The following CCDC12 variants were observed in gnomAD, a reference collection of about 807,000 sequenced individuals.
CCDC12 encodes the protein coiled-coil domain containing 12.
In CCDC12, 28 loss-of-function variants were observed where a neutral mutation model predicts 25.7. That is an observed-to-expected ratio of 1.09 (90% CI 0.81 to 1.50). The LOEUF (loss-of-function observed/expected upper bound fraction) is 1.50. CCDC12 is among the 40% of genes most tolerant of loss of function. The probability of loss-of-function intolerance (pLI) is 0.00; values close to 1 mark genes in which losing one functional copy is unlikely to be tolerated. For synonymous variants in CCDC12, 75 were observed against 87.7 expected (o/e 0.86, Z 0.81); for missense variants, 198 against 210.0 (o/e 0.94, Z 0.35).
intron 1 of CCDC12, among the ~76,000 whole-genome samples, chr3:46,956,829 C>CA (rs965353367): frequency 1.2e-4 from 2 of 17,098 alleles, no homozygotes; most frequent in African/African-American, 1.3e-4. Flanking sequence ...CACACCCACC[C>CA]CCCCAAAATA....
intron 4 of CCDC12, 66 bp from the exon 5 acceptor site, chr3:46,923,429 C>T (rs766073133): frequency 3.5e-5 from 55 of 1,552,200 alleles, no homozygotes; most frequent in Non-Finnish European, 4.6e-5. Context: ...AGGGCAGGCT[C>T]GAGAAGGAGG....
chr3:46,951,798 A>AAAAAAAAAATATAT, intron 1 of CCDC12, among the ~76,000 whole-genome samples: 3 of 8,464 alleles, frequency 3.5e-4, no homozygotes, highest in African/African-American at 4.9e-4. Context: ...AAAAAAAAAA[A>AAAAAAAAAATATAT]ATATATATAT....
At chr3:46,958,310 A>G (rs2034361114) in intron 1 of CCDC12, among the ~76,000 whole-genome samples, 1 of 152,238 alleles carries the variant, frequency 6.6e-6, no homozygotes, top group African/African-American at 2.4e-5. Flanking sequence ...CTGAGGGTCC[A>G]GAGGAAGGTC....
At position 46,976,559 on chromosome 3, in the gene CCDC12, C is replaced by T. The variant is rs1012546191; in HGVS notation, c.96+78G>A. The T allele has an allele frequency of 3.9e-5, 60 of 1,537,432 alleles. 1 individual carries two copies. In the South Asian group the frequency reaches 7.1e-4, roughly 18 times the overall value. ...CTCGGCAGCTGTCTTTCCTTATTAG[C>T]CCTTTGCTCTCCTCAAGCGCGACCC... On this transcript the variant is annotated intron_variant, in intron 1 of 6. Coordinates refer to ENST00000683445, the MANE Select transcript of CCDC12 (RefSeq NM_001277074.2).
At chr3:46,943,263 T>C (rs1394520499) in intron 1 of CCDC12, among the ~76,000 whole-genome samples, 1 of 152,146 alleles carries the variant, frequency 6.6e-6, no homozygotes, top group African/African-American at 2.4e-5. Context: ...TGCTGACACA[T>C]GCAGCCCTCC....
chr3:46,944,995 A>G (rs2033849851), intron 1 of CCDC12, among the ~76,000 whole-genome samples: 1 of 152,202 alleles, frequency 6.6e-6, no homozygotes, highest in Admixed American at 6.5e-5. Context: ...CCATCTGGCC[A>G]GTCCTAAAGG....
chr3:46,935,696 G>A (rs939492962), intron 2 of CCDC12, among the ~76,000 whole-genome samples: 3 of 152,142 alleles, frequency 2.0e-5, no homozygotes, highest in African/African-American at 7.2e-5. Context: ...CAGAGACAGG[G>A]AAGAGTCAGC....
At chr3:46,951,800 T>TATCCC (rs1210610792) in intron 1 of CCDC12, among the ~76,000 whole-genome samples, 1 of 23,304 alleles carries the variant, frequency 4.3e-5, no homozygotes, top group African/African-American at 1.3e-4. Flanking sequence ...AAAAAAAAAA[T>TATCCC]ATATATATAT....
chr3:46,938,194 A>G (rs2033532183), intron 2 of CCDC12, among the ~76,000 whole-genome samples: 1 of 13,544 alleles, frequency 7.4e-5, no homozygotes. Flanking sequence ...GGCTGCGGTG[A>G]GAAAAAACAA....
chr3:46,945,861 T>A (rs1444732645), intron 1 of CCDC12, among the ~76,000 whole-genome samples: 1 of 152,230 alleles, frequency 6.6e-6, no homozygotes, highest in Non-Finnish European at 1.5e-5. Flanking sequence ...ATTGATAATT[T>A]GTGTCATTTT....
At chr3:46,958,436 T>C (rs1015534921) in intron 1 of CCDC12, among the ~76,000 whole-genome samples, 3 of 152,170 alleles carry the variant, frequency 2.0e-5, no homozygotes, top group Non-Finnish European at 2.9e-5. Context: ...CTGGAAAACT[T>C]TGTAATTTTG....
chr3:46,936,536 G>A (rs184159567), intron 2 of CCDC12, among the ~76,000 whole-genome samples: 5 of 152,228 alleles, frequency 3.3e-5, no homozygotes, highest in East Asian at 1.9e-4. Context: ...AAGATTCTGC[G>A]GCTCACTGAG....
chr3:46,960,130 A>T (rs2034418986), intron 1 of CCDC12, among the ~76,000 whole-genome samples: 1 of 152,024 alleles, frequency 6.6e-6, no homozygotes, highest in Non-Finnish European at 1.5e-5. Context: ...ACAGTATTAT[A>T]CCTGGGGGTA....
chr3:46,937,413 G>A (rs964641829), intron 2 of CCDC12, among the ~76,000 whole-genome samples: 2 of 152,196 alleles, frequency 1.3e-5, no homozygotes, highest in Non-Finnish European at 2.9e-5. Context: ...CCAGAATGGC[G>A]GGTGCTGGTG....
chr3:46,973,198 A>AT (rs71098437), intron 1 of CCDC12, among the ~76,000 whole-genome samples: 143,596 of 151,874 alleles, frequency 0.95, 68,444 homozygotes, highest in East Asian at 1. Flanking sequence ...CTACTAAAAT[A>AT]AAAAATTAGC....
intron 3 of CCDC12, among the ~76,000 whole-genome samples, chr3:46,924,584 C>G (rs1467807388): frequency 6.6e-6 from 1 of 152,244 alleles, no homozygotes; most frequent in Non-Finnish European, 1.5e-5. Flanking sequence ...GTGGCTCACA[C>G]CTGGAATCCC....
At chr3:46,973,492 T>C (rs1488261004) in intron 1 of CCDC12, among the ~76,000 whole-genome samples, 2 of 145,556 alleles carry the variant, frequency 1.4e-5, no homozygotes, top group African/African-American at 2.5e-5. Flanking sequence ...CGAAACTCCA[T>C]CTCAAAAAAA....
Position 46,933,764 on chromosome 3 carries a change from C to T in CCDC12, c.164+7234G>A, listed in dbSNP as rs58297171. Reference sequence around the variant, plus strand: ...ATGGTACTCTCAAAGAAATATTAAGCTGCCATAATTTCATGAAAGTGTATT... The same window carrying T: ...ATGGTACTCTCAAAGAAATATTAAGTTGCCATAATTTCATGAAAGTGTATT... On this transcript the variant is annotated intron_variant, in intron 2 of 6. Transcript: ENST00000683445. Among the ~76,000 whole-genome samples, 866 of 152,286 alleles carry T rather than the reference C, an allele frequency of 5.7e-3. 11 individuals carry two copies. The highest frequency in any genetic ancestry group is 0.02 in the African/African-American group (844 of 41,558).
intron 1 of CCDC12, among the ~76,000 whole-genome samples, chr3:46,974,934 A>G (rs567419957): frequency 6.6e-6 from 1 of 152,338 alleles, no homozygotes; most frequent in East Asian, 1.9e-4. Context: ...CACTGGAGAC[A>G]TGAAGAAACC....
Sources: allele counts gnomAD v4.1 joint callset (sites outside exome capture counted in the v4.1 genomes callset), GRCh38; gene constraint gnomAD v4.1.1; transcripts MANE v1.5; gene names NCBI Gene and HGNC (gene_info 2026-07-23, HGNC 2026-07-21).